KIF19: variants seen among roughly 807,000 people sequenced by gnomAD.
The protein encoded by KIF19 is kinesin-like protein KIF19.
KIF19 carries 98 observed loss-of-function variants against 106.6 expected under a neutral mutation model. That is an observed-to-expected ratio of 0.92 (90% CI 0.78 to 1.09). The LOEUF is 1.09. Ranked by LOEUF, KIF19 falls within the 50% of genes least tolerant of loss-of-function variation. KIF19 has a pLI of 0.00. For missense variants in KIF19, 1,373 were observed against 1,414.3 expected (o/e 0.97, Z 0.47); for synonymous variants, 516 against 584.2 (o/e 0.88, Z 1.68).
intron 2 of KIF19, among the ~76,000 whole-genome samples, chr17:74,336,663 G>A (rs1467879381): frequency 2.6e-5 from 4 of 152,150 alleles, no homozygotes; most frequent in Admixed American, 6.5e-5. Context: ...TTGTCCACTC[G>A]TGCCCTTGGA....
chr17:74,336,469 A>G (rs992229148), intron 2 of KIF19, among the ~76,000 whole-genome samples: 1 of 152,190 alleles, frequency 6.6e-6, no homozygotes. Flanking sequence ...GTCATAGTGG[A>G]TAAAGGGCTC....
At chr17:74,353,681 T>G in intron 17 of KIF19, 100 bp downstream of exon 17, 1 of 943,650 alleles carries the variant, frequency 1.1e-6, no homozygotes, top group Admixed American at 2.0e-5. Context: ...CACTGCCAAG[T>G]GCAACCAAGC....
At chr17:74,349,990 G>A (rs1254235718) in intron 10 of KIF19, among the ~76,000 whole-genome samples, 3 of 152,112 alleles carry the variant, frequency 2.0e-5, no homozygotes, top group Admixed American at 6.5e-5. Context: ...GTAGAGACGA[G>A]GTTTCACCAT....
chr17:74,351,065 C>T (rs1285365830), intron 12 of KIF19, 160 bp downstream of exon 12: 15 of 683,056 alleles, frequency 2.2e-5, no homozygotes, highest in Non-Finnish European at 2.8e-5. Context: ...CTTCTCTATG[C>T]GTCACATTCC....
At position 74,352,232 on chromosome 17, in the gene KIF19, C is replaced by A; in HGVS notation, c.1872C>A (p.Ala624=). ...CTTCCCCAGCAGACTACAACCTGGC[C>A]GTCCCGCAGCGCCTGGAAGAGCTCT... ...QRQIIDDYNL[A]VPQRLEELYE... The change falls in exon 14 of 20, where the codon GCC becomes GCA. Residue 624 remains alanine, a synonymous_variant. Transcript: ENST00000389916. 6.2e-7 allele frequency: 1 copy of A among 1,612,292 alleles called. No individual in the cohort carries two copies. The highest frequency in any genetic ancestry group is 1.1e-5 in the South Asian group (1 of 90,902).
intron 2 of KIF19, among the ~76,000 whole-genome samples, chr17:74,333,361 ATTTT>A (rs35232394): frequency 3.9e-5 from 5 of 129,476 alleles, no homozygotes; most frequent in South Asian, 2.5e-4. Flanking sequence ...TGTGGTCCTA[ATTTT>A]TTTTTTTTTT....
At chr17:74,326,703 A>G (rs923877838) in intron 1 of KIF19, among the ~76,000 whole-genome samples, 4 of 151,862 alleles carry the variant, frequency 2.6e-5, no homozygotes, top group Admixed American at 6.6e-5. Context: ...CAGAAACGCC[A>G]GGGGCAGGGA....
rs950611744 is a variant in KIF19 at position 74,331,396 on chromosome 17, C to A, written c.120+2891C>A. ...GGACACAGTAACCCGCTGGGCTGGGCCACCGTGAGGGGTCCTGGGGCAGCT... is the reference window on the plus strand; with the variant it reads ...GGACACAGTAACCCGCTGGGCTGGGACACCGTGAGGGGTCCTGGGGCAGCT... On this transcript the variant is annotated intron_variant, in intron 2 of 19. Transcript: ENST00000389916. The surrounding 1 kb of genome is among the most constrained non-coding windows in gnomAD (Gnocchi z 4.1). 6.6e-6 allele frequency among the ~76,000 whole-genome samples: 1 copy of A among 152,146 alleles called. No homozygotes were observed. The highest frequency in any genetic ancestry group is 1.5e-5 in the Non-Finnish European group (1 of 68,028).
chr17:74,348,775 GA>G, intron 9 of KIF19: 1 of 212,026 alleles, frequency 4.7e-6, no homozygotes, highest in Non-Finnish European at 9.6e-6. Flanking sequence ...GTGGGACCCT[GA>G]AGGCTGGGAG....
At chr17:74,341,417 A>C (rs1551857) in intron 2 of KIF19, among the ~76,000 whole-genome samples, 132,151 of 152,240 alleles carry the variant, frequency 0.87, 58,782 homozygotes, top group Non-Finnish European at 0.97. Context: ...CTTCTGTTGC[A>C]CCTCTCTGGC....
At position 74,350,492 on chromosome 17, in the gene KIF19, T is replaced by C; in HGVS notation, c.1305T>C (p.Asp435=). 1 of 1,612,302 alleles carries C rather than the reference T, an allele frequency of 6.2e-7. No homozygotes were observed. The highest frequency in any genetic ancestry group is 1.1e-5 in the South Asian group (1 of 90,870). ...QLASAFQEQM[D]VRRRLLELEN... is the part of the protein sequence containing the mutation. ...CCAGCGCCTTCCAGGAGCAGATGGA[T>C]GTGCGGAGGCGCCTGCTGGAGCTGG... The change falls in exon 11 of 20, where the codon GAT becomes GAC. Residue 435 remains aspartate (D), a synonymous_variant. Transcript: ENST00000389916.
Position 74,349,298 on chromosome 17 carries a change from C to T in KIF19, c.1162C>T (p.Arg388Trp), listed in dbSNP as rs767518683. Residue 388 changes from arginine to tryptophan, a missense_variant, in exon 10 of 20, where the codon CGG becomes TGG. Physicochemically the swap from Arg to Trp is moderately radical, Grantham distance 101. Transcript: ENST00000389916. ...GCGCAAGATTGATGAGCAGACTGGG[C>T]GGGGCCAGGCCCGGGGCCGGCAGGA... is the stretch of plus-strand genomic sequence containing the variant. ...LKRKIDEQTG[R>W]GQARGRQDRG... 23 of 1,611,508 alleles carry T rather than the reference C, an allele frequency of 1.4e-5. No individual in the cohort carries two copies. Among genetic ancestry groups the T allele is most frequent in the East Asian group, 6.7e-5 (3 of 44,860 alleles).
intron 2 of KIF19, among the ~76,000 whole-genome samples, chr17:74,340,555 G>GCAGACACACACACACA: frequency 2.7e-5 from 4 of 148,210 alleles, no homozygotes; most frequent in African/African-American, 7.5e-5. Context: ...ATGCGCGCGC[G>GCAGACACACACACACA]TACACACACA....
rs1270324008 is a variant in KIF19 at position 74,342,646 on chromosome 17, C to A, written c.248C>A (p.Ala83Asp). The A allele has an allele frequency of 1.2e-6, 2 of 1,613,242 alleles. No homozygotes were observed. Among genetic ancestry groups the A allele is most frequent in the Non-Finnish European group, 1.7e-6 (2 of 1,179,644 alleles). The part of the protein sequence containing the change: ...FTATQEMVYQ[A>D]TTKSLIEGVI... The stretch of plus-strand genomic sequence containing the variant: ...TCCTCGCAGGAGATGGTGTATCAGG[C>A]CACCACCAAGAGCCTCATCGAGGGC... Residue 83 changes from alanine to aspartate, a missense_variant, in exon 4 of 20, where the codon GCC (alanine) becomes GAC (aspartate). Ala to Asp is a moderately radical substitution (Grantham distance 126, BLOSUM62 -2). Around this residue, in one of 3 missense-constraint regions of KIF19, gnomAD observed 348 missense variants for 389.5 expected, o/e 0.89. Coordinates refer to ENST00000389916, the MANE Select transcript of KIF19 (RefSeq NM_153209.4).
chr17:74,342,323 C>A (rs756606901), intron 3 of KIF19, among the ~76,000 whole-genome samples: 2 of 152,180 alleles, frequency 1.3e-5, no homozygotes, highest in Non-Finnish European at 2.9e-5. Context: ...ACACCCTCCT[C>A]GAGGACCCCC....
At chr17:74,354,095 A>G (rs904478219) in intron 17 of KIF19, 67 bp from the exon 18 acceptor site, 12 of 1,509,646 alleles carry the variant, frequency 7.9e-6, no homozygotes, top group African/African-American at 6.9e-5. Flanking sequence ...CACGTCTGCC[A>G]TGTCAGAGGA....
At chr17:74,350,656 C>A (rs552306606) in intron 11 of KIF19, 51 bp from the exon 12 acceptor site, 33 of 1,610,574 alleles carry the variant, frequency 2.0e-5, no homozygotes, top group Middle Eastern at 3.3e-4. Context: ...GTACAGTGTG[C>A]CCTGCCCCCA....
chr17:74,351,709 C>T (rs969988657), intron 12 of KIF19, among the ~76,000 whole-genome samples, 158 bp from the exon 13 acceptor site: 3 of 152,124 alleles, frequency 2.0e-5, no homozygotes, highest in African/African-American at 7.2e-5. Context: ...TGGAGCAGTC[C>T]CTGATTGTAA....
At chr17:74,326,496 C>A in intron 1 of KIF19, 108 bp downstream of exon 1, 3 of 1,068,108 alleles carry the variant, frequency 2.8e-6, no homozygotes, top group Non-Finnish European at 4.2e-6. Context: ...AGAGGACAGG[C>A]AACGACCAGG....
Sources: allele counts gnomAD v4.1 joint callset (sites outside exome capture counted in the v4.1 genomes callset), GRCh38; gene constraint gnomAD v4.1.1; regional missense constraint gnomAD v4.1.1; non-coding constraint Gnocchi (gnomAD v3.1); transcripts MANE v1.5; gene names NCBI Gene and HGNC (gene_info 2026-07-23, HGNC 2026-07-21).